The following ANKRD36B variants were observed in gnomAD, a reference collection of about 807,000 sequenced individuals.
The protein encoded by ANKRD36B is ankyrin repeat domain 36B.
Under a neutral mutation model 135.7 loss-of-function variants are expected in ANKRD36B, and 37 were observed. The observed-to-expected ratio is 0.27, with a 90% confidence interval of 0.21 to 0.36. ANKRD36B has a LOEUF of 0.36. ANKRD36B is among the 10% of genes least tolerant of loss of function. The pLI, the probability that ANKRD36B is intolerant of heterozygous loss-of-function variation, is 1.00. For synonymous variants in ANKRD36B, 179 were observed against 348.1 expected (o/e 0.51, Z 5.41); for missense variants, 549 against 1,037.1 (o/e 0.53, Z 6.46).
Position 97,504,569 on chromosome 2 carries a change from C to CA in ANKRD36B, c.*6+2466dup, listed in dbSNP as rs1319408030. Among the ~76,000 whole-genome samples, 100 of 60,094 alleles carry CA rather than the reference C, an allele frequency of 1.7e-3. 2 individuals are homozygous for CA. Among genetic ancestry groups the CA allele is most frequent in the Admixed American group, 5.3e-3 (43 of 8,142 alleles). The allele number at this position is 60,094 out of a possible 152,430, so 39.4% of individuals were successfully genotyped here. ...AGAAACTCCATCTCTACTAAAAATACAAAAAAAAACTAGCTGGGCACCTGT... is the reference window on the plus strand; with the variant it reads ...AGAAACTCCATCTCTACTAAAAATACAAAAAAAAAACTAGCTGGGCACCTGT... On this transcript the variant is annotated intron_variant, in intron 43 of 43. Coordinates refer to ENST00000359901, the MANE Select transcript of ANKRD36B (RefSeq NM_001393939.1).
At chr2:97,527,269 A>T (rs1346159180) in intron 35 of ANKRD36B, among the ~76,000 whole-genome samples, 1 of 95,882 alleles carries the variant, frequency 1.0e-5, no homozygotes, top group Admixed American at 9.2e-5. Flanking sequence ...TAAAGAAAAG[A>T]ATTTTCAACC....
At chr2:97,546,859 T>C (rs1430122011) in intron 22 of ANKRD36B, among the ~76,000 whole-genome samples, 2 of 151,676 alleles carry the variant, frequency 1.3e-5, no homozygotes, top group African/African-American at 4.8e-5. Flanking sequence ...AATATGTATC[T>C]CTGATGCCTC....
chr2:97,533,809 G>A lies in ANKRD36B; in HGVS notation c.2192-1425C>T, dbSNP rs1004720792. On this transcript the variant is annotated intron_variant, in intron 34 of 43. Transcript: ENST00000359901. ...GTGGTGGCTCACGCCTGTAATCACA[G>A]CACTTTGGGAGGCTGAAGTGGGTGG... Among the ~76,000 whole-genome samples the A allele has an allele frequency of 6.3e-5, 6 of 95,362 alleles. 3 individuals carry two copies. The highest frequency in any genetic ancestry group is 1.1e-4 in the Non-Finnish European group (4 of 36,052). 62.6% of individuals were successfully genotyped at this position (95,362 alleles called of 152,430 possible).
intron 18 of ANKRD36B, among the ~76,000 whole-genome samples, chr2:97,550,070 C>T (rs576285701): frequency 8.6e-5 from 13 of 151,262 alleles, no homozygotes; most frequent in African/African-American, 3.2e-4. Flanking sequence ...ACTGAGAAGG[C>T]ACACAATTGC....
intron 6 of ANKRD36B, among the ~76,000 whole-genome samples, chr2:97,571,798 C>T (rs1016599662): frequency 6.6e-6 from 1 of 152,052 alleles, no homozygotes; most frequent in African/African-American, 2.4e-5. Context: ...TTCTTAAGTT[C>T]TTATAAAACT....
chr2:97,539,363 C>T lies in ANKRD36B; in HGVS notation c.1987+671G>A, dbSNP rs184606333. On this transcript the variant is annotated intron_variant, in intron 30 of 43. Coordinates refer to ENST00000359901, the MANE Select transcript of ANKRD36B (RefSeq NM_001393939.1). Reference sequence around the variant, plus strand: ...ATATCAACAAAACATATATCTCTGACACCCAAGAGTAACAAAGAGGAGCAA... The same window carrying T: ...ATATCAACAAAACATATATCTCTGATACCCAAGAGTAACAAAGAGGAGCAA... Among the ~76,000 whole-genome samples, 16 of 96,576 alleles carry T rather than the reference C, an allele frequency of 1.7e-4. 3 individuals are homozygous for T. Among genetic ancestry groups the T allele is most frequent in the African/African-American group, 4.9e-4 (16 of 32,332 alleles). The allele number at this position is 96,576 out of a possible 152,430, so 63.4% of individuals were successfully genotyped here. A position where few individuals can be genotyped will look rare whatever the true frequency, so the allele number is the denominator to read the frequency against.
chr2:97,581,454 G>C (rs1354210856), intron 3 of ANKRD36B, among the ~76,000 whole-genome samples: 2 of 151,476 alleles, frequency 1.3e-5, no homozygotes, highest in East Asian at 2.0e-4. Flanking sequence ...GATAGGCTTC[G>C]AGTGAACTTT....
chr2:97,563,034 T>A (rs927285735), intron 6 of ANKRD36B, among the ~76,000 whole-genome samples: 1 of 152,028 alleles, frequency 6.6e-6, no homozygotes, highest in African/African-American at 2.4e-5. Context: ...AAACTAGGAT[T>A]TTCCAGGATA....
intron 28 of ANKRD36B, among the ~76,000 whole-genome samples, chr2:97,541,474 G>A (rs113919661): frequency 1.0e-5 from 1 of 96,168 alleles, no homozygotes; most frequent in Non-Finnish European, 2.8e-5. Context: ...GAAAATAATT[G>A]CTACTTCAGT....
At chr2:97,547,187 T>G (rs2079548298) in intron 22 of ANKRD36B, 1 of 253,458 alleles carries the variant, frequency 3.9e-6, no homozygotes, top group Non-Finnish European at 7.7e-6. Flanking sequence ...CAGTATGATC[T>G]GAAGTGTGTA....
intron 43 of ANKRD36B, among the ~76,000 whole-genome samples, chr2:97,496,833 G>GTGTATATATATA (rs373304719): frequency 1.6e-5 from 1 of 62,100 alleles, no homozygotes; most frequent in African/African-American, 8.8e-5. Flanking sequence ...ATATGTGTGT[G>GTGTATATATATA]TATATATATA....
chr2:97,574,878 T>C (rs1186437050), intron 6 of ANKRD36B, among the ~76,000 whole-genome samples: 2 of 152,012 alleles, frequency 1.3e-5, no homozygotes, highest in East Asian at 3.9e-4. Flanking sequence ...TCAAGACCAT[T>C]TTCCCTGACC....
intron 10 of ANKRD36B, 34 bp from the exon 11 acceptor site, chr2:97,557,166 T>C: frequency 2.0e-6 from 3 of 1,506,414 alleles, no homozygotes; most frequent in South Asian, 1.3e-5. Context: ...ATTCATCATA[T>C]GTAAATATGA....
intron 16 of ANKRD36B, among the ~76,000 whole-genome samples, chr2:97,552,500 A>G (rs565391336): frequency 9.8e-4 from 149 of 152,044 alleles, no homozygotes; most frequent in Middle Eastern, 6.8e-3. Context: ...TAGTAACAAA[A>G]AGGAGTAATG....
chr2:97,571,381 C>T (rs1046169241), intron 6 of ANKRD36B, among the ~76,000 whole-genome samples: 2 of 151,798 alleles, frequency 1.3e-5, no homozygotes, highest in Admixed American at 1.3e-4. Context: ...GGGGCGGTGC[C>T]TTACACCTAT....
At chr2:97,579,815 A>G (rs1360506529) in intron 4 of ANKRD36B, among the ~76,000 whole-genome samples, 1 of 151,930 alleles carries the variant, frequency 6.6e-6, no homozygotes, top group Admixed American at 6.6e-5. Context: ...TTAGCTGGAC[A>G]TTCTAACATT....
intron 10 of ANKRD36B, among the ~76,000 whole-genome samples, chr2:97,557,412 T>C (rs3925996): frequency 0.59 from 89,130 of 150,904 alleles, 27,378 homozygotes; most frequent in Non-Finnish European, 0.67. Context: ...GTGGATATGC[T>C]GAATGATGAA....
At chr2:97,569,630 G>C (rs1469308706) in intron 6 of ANKRD36B, among the ~76,000 whole-genome samples, 1 of 151,560 alleles carries the variant, frequency 6.6e-6, no homozygotes, top group African/African-American at 2.4e-5. Flanking sequence ...GTTGAAAATG[G>C]GGGGAGCTAT....
intron 6 of ANKRD36B, among the ~76,000 whole-genome samples, chr2:97,573,918 C>T (rs2082056251): frequency 6.6e-6 from 1 of 152,098 alleles, no homozygotes; most frequent in South Asian, 2.1e-4. Flanking sequence ...CATGTTAGAC[C>T]TAAAACCATA....
Sources: gnomAD v4.1 joint callset for allele counts (sites outside exome capture counted in the v4.1 genomes callset) on GRCh38, gnomAD v4.1.1 for gene constraint, MANE v1.5 for transcripts, NCBI Gene and HGNC (gene_info 2026-07-23, HGNC 2026-07-21) for gene names.